Variants in CACNA2D3 observed in about 807,000 individuals in gnomAD.
CACNA2D3 encodes calcium voltage-gated channel auxiliary subunit alpha2delta 3, also known as voltage-dependent calcium channel subunit alpha-2/delta-3.
Under a neutral mutation model 160.6 loss-of-function variants are expected in CACNA2D3, and 60 were observed. The observed-to-expected ratio is 0.37, with a 90% CI of 0.30 to 0.46. CACNA2D3 has a LOEUF of 0.46. Among genes scored for constraint, CACNA2D3 ranks in the 20% least tolerant of loss-of-function variants. The probability of loss-of-function intolerance (pLI) is 1.00; values close to 1 mark genes in which losing one functional copy is unlikely to be tolerated. For synonymous variants in CACNA2D3, 558 were observed against 492.9 expected (o/e 1.13, Z -1.75); for missense variants, 1,205 against 1,365.0 (o/e 0.88, Z 1.85).
chr3:54,856,885 G>A (rs530641981), intron 17 of CACNA2D3, among the ~76,000 whole-genome samples: 2 of 152,230 alleles, frequency 1.3e-5, no homozygotes, highest in African/African-American at 4.8e-5. Flanking sequence ...GGTTCAAGCA[G>A]TTCTCCTGCC....
intron 4 of CACNA2D3, among the ~76,000 whole-genome samples, chr3:54,417,551 TTAGGAAATC>T (rs1212942713): frequency 6.6e-6 from 1 of 152,172 alleles, no homozygotes; most frequent in Non-Finnish European, 1.5e-5. Flanking sequence ...GCTCATTCTT[TTAGGAAATC>T]TAGCAACTTC....
intron 17 of CACNA2D3, among the ~76,000 whole-genome samples, chr3:54,846,995 G>C (rs1299445288): frequency 6.6e-6 from 1 of 152,208 alleles, no homozygotes; most frequent in Non-Finnish European, 1.5e-5. Flanking sequence ...ATTTTTCTCT[G>C]TTTCCTGCCT....
Position 54,847,633 on chromosome 3 carries a change from G to A in CACNA2D3, c.1626+1166G>A, listed in dbSNP as rs942559635. On this transcript the variant is annotated intron_variant, in intron 17 of 37. Coordinates refer to ENST00000474759, the MANE Select transcript of CACNA2D3 (RefSeq NM_018398.3). ...ATGCCATATGCATGCTTTAAGATGG[G>A]CCTTATGGTAATATTCAATTTCAAC... Among the ~76,000 whole-genome samples the A allele has an allele frequency of 3.9e-5, 6 of 152,194 alleles. No homozygotes were observed. The South Asian group carries it at 1.2e-3, about 31-fold the overall frequency.
At chr3:54,713,879 C>A (rs1701000293) in intron 11 of CACNA2D3, among the ~76,000 whole-genome samples, 2 of 152,088 alleles carry the variant, frequency 1.3e-5, no homozygotes, top group South Asian at 4.1e-4. Flanking sequence ...TAAACTTTCC[C>A]TCCAGATTGC....
chr3:54,186,222 T>C (rs1340027198), intron 2 of CACNA2D3, among the ~76,000 whole-genome samples: 1 of 152,218 alleles, frequency 6.6e-6, no homozygotes, highest in East Asian at 1.9e-4. Context: ...TGCAATAACT[T>C]GATACAGTGT....
intron 2 of CACNA2D3, among the ~76,000 whole-genome samples, chr3:54,298,178 T>A (rs1321065126): frequency 6.6e-6 from 1 of 151,966 alleles, no homozygotes; most frequent in African/African-American, 2.4e-5. Flanking sequence ...GATGGATGAG[T>A]GGGAGTTGGC....
intron 2 of CACNA2D3, among the ~76,000 whole-genome samples, chr3:54,179,964 C>T (rs1444471476): frequency 6.6e-5 from 10 of 151,832 alleles, no homozygotes; most frequent in Admixed American, 3.9e-4. Flanking sequence ...GGGTTGTGGC[C>T]GGGGCTATCA....
chr3:54,805,052 G>A (rs1417339761), intron 13 of CACNA2D3, among the ~76,000 whole-genome samples: 2 of 152,230 alleles, frequency 1.3e-5, no homozygotes, highest in Non-Finnish European at 2.9e-5. Flanking sequence ...ATTCAAAGCA[G>A]TGTATAGAGG....
rs560619289 is a variant in CACNA2D3 at position 54,286,300 on chromosome 3, G to A, written c.205-34142G>A. ...GAAGAATGCAGAAGCCTCAGGAGCG[G>A]ATGCGATCAACTGGAAGAAAGGGTA... On this transcript the variant is annotated intron_variant, in intron 2 of 37. Coordinates refer to ENST00000474759, the MANE Select transcript of CACNA2D3 (RefSeq NM_018398.3). Among the ~76,000 whole-genome samples, 1,417 of 152,340 alleles carry A rather than the reference G, an allele frequency of 9.3e-3. 20 individuals carry two copies. The highest frequency in any genetic ancestry group is 0.032 in the African/African-American group (1,347 of 41,574).
intron 2 of CACNA2D3, among the ~76,000 whole-genome samples, chr3:54,218,487 G>A (rs911088462): frequency 6.6e-6 from 1 of 152,190 alleles, no homozygotes; most frequent in Non-Finnish European, 1.5e-5. Flanking sequence ...TTTGACCCTA[G>A]GGTGAGGTGA....
chr3:54,670,101 T>C (rs1283499436), intron 11 of CACNA2D3, among the ~76,000 whole-genome samples: 1 of 152,156 alleles, frequency 6.6e-6, no homozygotes, highest in Non-Finnish European at 1.5e-5. Flanking sequence ...TTGGCGAAAA[T>C]TCTGCTGTAG....
chr3:54,924,839 A>G lies in CACNA2D3; in HGVS notation c.2449+24971A>G, dbSNP rs768453952. The G allele has an allele frequency of 1.9e-6, 3 of 1,613,832 alleles. No individual in the cohort carries two copies. In the African/African-American group the frequency reaches 4.0e-5, roughly 22 times the overall value. Reference sequence around the variant, plus strand: ...GGTGGCTTATGTTGTTTGATGACAAATCAAGCTCCCTCAGCTGAGGGAGGG... The same window carrying G: ...GGTGGCTTATGTTGTTTGATGACAAGTCAAGCTCCCTCAGCTGAGGGAGGG... On this transcript the variant is annotated intron_variant, in intron 27 of 37. Transcript: ENST00000474759.
intron 27 of CACNA2D3, among the ~76,000 whole-genome samples, chr3:54,919,875 C>G (rs1354395944): frequency 1.3e-5 from 2 of 152,220 alleles, no homozygotes; most frequent in Admixed American, 1.3e-4. Context: ...CCCAGTTCTC[C>G]ATGCTCAGTC....
chr3:54,945,239 G>A (rs1055727354), intron 27 of CACNA2D3, among the ~76,000 whole-genome samples: 1 of 152,220 alleles, frequency 6.6e-6, no homozygotes, highest in Non-Finnish European at 1.5e-5. Context: ...TCTGTGGCAT[G>A]TGCAGCAGAA....
chr3:54,357,415 G>A (rs941206432), intron 3 of CACNA2D3, among the ~76,000 whole-genome samples: 3 of 152,120 alleles, frequency 2.0e-5, no homozygotes, highest in Non-Finnish European at 4.4e-5. Flanking sequence ...TAAAGTGCTC[G>A]ACATCAATTG....
chr3:54,882,244 A>G (rs1023442740), intron 21 of CACNA2D3, among the ~76,000 whole-genome samples: 4 of 152,214 alleles, frequency 2.6e-5, no homozygotes, highest in Non-Finnish European at 5.9e-5. Flanking sequence ...TGTCTAAGCC[A>G]TGTGAGGTCA....
At chr3:54,286,731 G>A (rs941862565) in intron 2 of CACNA2D3, among the ~76,000 whole-genome samples, 8 of 152,116 alleles carry the variant, frequency 5.3e-5, no homozygotes, top group Non-Finnish European at 8.8e-5. Context: ...CGGATCTCTC[G>A]GCAGAAACTC....
At chr3:54,164,359 G>A (rs898370916) in intron 2 of CACNA2D3, among the ~76,000 whole-genome samples, 1 of 152,204 alleles carries the variant, frequency 6.6e-6, no homozygotes, top group Non-Finnish European at 1.5e-5. Flanking sequence ...TGCTGCCGCA[G>A]GATGGGACCA....
At chr3:54,941,533 G>A (rs1296320596) in intron 27 of CACNA2D3, among the ~76,000 whole-genome samples, 1 of 152,146 alleles carries the variant, frequency 6.6e-6, no homozygotes, top group Non-Finnish European at 1.5e-5. Flanking sequence ...TTATGTGGGT[G>A]AGCAGTAAAT....
Sources: gnomAD v4.1 joint callset for allele counts (sites outside exome capture counted in the v4.1 genomes callset) on GRCh38, gnomAD v4.1.1 for gene constraint, MANE v1.5 for transcripts, NCBI Gene and HGNC (gene_info 2026-07-23, HGNC 2026-07-21) for gene names.